Variants in ARHGEF4 observed in about 807,000 individuals in gnomAD.
ARHGEF4 encodes APC-stimulated guanine nucleotide exchange factor 1.
ARHGEF4 carries 119 observed loss-of-function variants against 162.0 expected under a neutral mutation model. That is an observed-to-expected ratio of 0.73 (90% confidence interval 0.63 to 0.86). The LOEUF (loss-of-function observed/expected upper bound fraction) is 0.86. ARHGEF4 is among the 40% of genes least tolerant of loss of function. The pLI, the probability that ARHGEF4 is intolerant of heterozygous loss-of-function variation, is 0.00. For missense variants in ARHGEF4, 2,488 were observed against 2,456.0 expected, an observed-to-expected ratio of 1.01 and a Z score of -0.28; for synonymous variants, 1,014 against 979.9, an observed-to-expected ratio of 1.03 and a Z score of -0.65.
chr2:131,041,108 TC>T, intron 8 of ARHGEF4, 121 bp from the exon 9 acceptor site: 3 of 855,450 alleles, frequency 3.5e-6, no homozygotes, highest in Non-Finnish European at 3.6e-6. Context: ...AGCCTGGGTC[TC>T]CCCTAGCCCC....
In ARHGEF4 at chr2:130,916,466, G is replaced by A. The variant is rs763103742; in HGVS notation, c.2520G>A (p.Ala840=). The A allele has an allele frequency of 1.2e-5, 19 of 1,543,414 alleles. No individual in the cohort carries two copies. The highest frequency in any genetic ancestry group is 2.1e-4 in the Middle Eastern group (1 of 4,852). ...TCCCCAGGGAGAATCCGCCCGCTGC[G>A]GCCGGTCGGGACGCACCGCCTCTGC... The part of the protein sequence containing the change: ...EGLPRENPPA[A]AGRDAPPLHH... Residue 840 remains alanine (A), a synonymous_variant, in exon 2 of 14, where the codon GCG becomes GCA. Coordinates refer to ENST00000409359, the MANE Select transcript of ARHGEF4 (RefSeq NM_001367493.1).
At position 130,914,997 on chromosome 2, in the gene ARHGEF4, C is replaced by T. The variant is rs967544426; in HGVS notation, c.1051C>T (p.Pro351Ser). The change falls in exon 2 of 14, where the codon CCC (proline) becomes TCC (serine). Residue 351 changes from proline (P) to serine (S), a missense_variant. By Grantham distance (74) the Pro-to-Ser change is moderately conservative (BLOSUM62 -1). Around this residue, in one of 6 missense-constraint regions of ARHGEF4, gnomAD observed 1,642 missense variants for 1,481.5 expected, o/e 1.11. Transcript: ENST00000409359. ...AGFSPECPED[P>S]VGQNVVKSGT... ...GTTTTCACCAGAGTGCCCCGAGGAT[C>T]CCGTGGGACAGAATGTTGTGAAGTC... 1 of 1,550,590 alleles carries T rather than the reference C, an allele frequency of 6.4e-7. No individual in the cohort carries two copies. Among genetic ancestry groups the T allele is most frequent in the Non-Finnish European group, 8.7e-7 (1 of 1,146,996 alleles).
chr2:130,873,210 A>C (rs11903536), intron 1 of ARHGEF4, among the ~76,000 whole-genome samples: 5,482 of 152,136 alleles, frequency 0.036, 306 homozygotes, highest in African/African-American at 0.12. Flanking sequence ...ATGGCGATAC[A>C]GTGCACACCT....
chr2:130,949,511 G>A (rs368421418), intron 4 of ARHGEF4, among the ~76,000 whole-genome samples: 4 of 151,294 alleles, frequency 2.6e-5, no homozygotes, highest in African/African-American at 9.7e-5. Flanking sequence ...CCGCCACCAC[G>A]CCTGGCTAAT....
intron 5 of ARHGEF4, 51 bp downstream of exon 5, chr2:131,028,135 C>G (rs1389823482): frequency 6.2e-7 from 1 of 1,602,280 alleles, no homozygotes; most frequent in Non-Finnish European, 8.5e-7. Flanking sequence ...GGGCTACAGG[C>G]TAGATTCCAG....
At position 130,930,507 on chromosome 2, in the gene ARHGEF4, C is replaced by T. The variant is rs1409503996; in HGVS notation, c.3553-445C>T. 2.0e-5 allele frequency among the ~76,000 whole-genome samples: 3 copies of T among 152,106 alleles called. No homozygotes were observed. The East Asian group carries it at 5.8e-4, about 29-fold the overall frequency. ...CAATGTGGGTGAGGTGGAGTCTTGC[C>T]TGCATTTCAGTGAGCATCAGAGTCA... On this transcript the variant is annotated intron_variant, in intron 2 of 13. Coordinates refer to ENST00000409359, the MANE Select transcript of ARHGEF4 (RefSeq NM_001367493.1).
intron 4 of ARHGEF4, among the ~76,000 whole-genome samples, chr2:131,011,428 G>T (rs1017489939): frequency 6.6e-6 from 1 of 152,184 alleles, no homozygotes; most frequent in African/African-American, 2.4e-5. Context: ...TGAATAGACA[G>T]TGTCAGGGTT....
chr2:130,997,600 A>T (rs1236814400), intron 4 of ARHGEF4, among the ~76,000 whole-genome samples: 1 of 152,192 alleles, frequency 6.6e-6, no homozygotes, highest in Non-Finnish European at 1.5e-5. Flanking sequence ...TTTTGGCAAT[A>T]ACCTTTGTGA....
chr2:130,843,686 A>G (rs1308344479), intron 1 of ARHGEF4, among the ~76,000 whole-genome samples: 4 of 152,120 alleles, frequency 2.6e-5, no homozygotes, highest in Non-Finnish European at 4.4e-5. Context: ...GTACAACACA[A>G]GTTCTCAAGC....
chr2:131,000,924 C>T (rs1034592938), intron 4 of ARHGEF4, among the ~76,000 whole-genome samples: 1 of 152,064 alleles, frequency 6.6e-6, no homozygotes, highest in Non-Finnish European at 1.5e-5. Context: ...GGAGTAGTGG[C>T]GGACTTAGTA....
At chr2:130,888,177 A>G (rs547954255) in intron 1 of ARHGEF4, among the ~76,000 whole-genome samples, 1 of 152,084 alleles carries the variant, frequency 6.6e-6, no homozygotes, top group East Asian at 1.9e-4. Context: ...TAACTTCTTT[A>G]AAAAAATGCT....
At chr2:130,960,713 T>C (rs915596343) in intron 4 of ARHGEF4, among the ~76,000 whole-genome samples, 8 of 152,182 alleles carry the variant, frequency 5.3e-5, no homozygotes, top group Non-Finnish European at 7.3e-5. Context: ...GGACGGAATC[T>C]TCCCCTGGTG....
intron 1 of ARHGEF4, among the ~76,000 whole-genome samples, chr2:130,901,773 G>A (rs1256359971): frequency 1.3e-5 from 2 of 152,082 alleles, no homozygotes; most frequent in African/African-American, 2.4e-5. Context: ...TGCCTGCCCC[G>A]GCCTCCCAAA....
At chr2:130,959,805 G>A (rs1302371619) in intron 4 of ARHGEF4, among the ~76,000 whole-genome samples, 1 of 152,212 alleles carries the variant, frequency 6.6e-6, no homozygotes, top group African/African-American at 2.4e-5. Flanking sequence ...CTGGCCTTTG[G>A]CTTCTTTCCA....
At chr2:130,956,143 T>TG (rs1412571432) in intron 4 of ARHGEF4, among the ~76,000 whole-genome samples, 4 of 152,144 alleles carry the variant, frequency 2.6e-5, no homozygotes, top group African/African-American at 9.7e-5. Context: ...CTGCCCCTAC[T>TG]GGGGGGTACC....
chr2:130,991,480 G>A (rs1030434225), intron 4 of ARHGEF4, among the ~76,000 whole-genome samples: 10 of 152,232 alleles, frequency 6.6e-5, no homozygotes, highest in Admixed American at 2.0e-4. Context: ...GGCTGTGTGC[G>A]GCGCTTGCGG....
chr2:131,044,188 G>C, intron 11 of ARHGEF4, 111 bp from the exon 12 acceptor site: 1 of 1,469,768 alleles, frequency 6.8e-7, no homozygotes, highest in East Asian at 2.4e-5. Context: ...TGCTGGGGAG[G>C]TGGAGGCATC....
intron 4 of ARHGEF4, among the ~76,000 whole-genome samples, chr2:131,017,377 A>T (rs1285253978): frequency 6.6e-6 from 1 of 152,152 alleles, no homozygotes; most frequent in Non-Finnish European, 1.5e-5. Flanking sequence ...CCTTCCGTTC[A>T]TGCAGTTGTG....
intron 1 of ARHGEF4, among the ~76,000 whole-genome samples, chr2:130,876,172 TG>T (rs2104945432): frequency 6.6e-6 from 1 of 152,280 alleles, no homozygotes; most frequent in South Asian, 2.1e-4. Flanking sequence ...TGGATTGCCA[TG>T]GCTTGTTTGC....
Sources: gnomAD v4.1 joint callset for allele counts (sites outside exome capture counted in the v4.1 genomes callset) on GRCh38, gnomAD v4.1.1 for gene constraint, gnomAD v4.1.1 regional missense constraint, MANE v1.5 for transcripts, NCBI Gene and HGNC (gene_info 2026-07-23, HGNC 2026-07-21) for gene names.